The following TNFRSF21 variants were observed in gnomAD, a reference collection of about 807,000 sequenced individuals.
TNFRSF21 encodes the protein TNF receptor superfamily member 21, also known as tumor necrosis factor receptor superfamily member 21.
In TNFRSF21, 19 loss-of-function variants were observed where a neutral mutation model predicts 45.6. The observed-to-expected ratio is 0.42, with a 90% CI of 0.29 to 0.61. TNFRSF21 has a LOEUF of 0.61. Ranked by LOEUF, TNFRSF21 falls within the 20% of genes least tolerant of loss-of-function variation. The probability of loss-of-function intolerance (pLI) is 0.23; values close to 1 mark genes in which losing one functional copy is unlikely to be tolerated. For missense variants in TNFRSF21, 737 were observed against 851.5 expected (o/e 0.87, Z 1.67); for synonymous variants, 314 against 335.5 (o/e 0.94, Z 0.70).
intron 3 of TNFRSF21, among the ~76,000 whole-genome samples, chr6:47,264,551 T>C (rs1294904561): frequency 1.3e-5 from 2 of 152,070 alleles, no homozygotes; most frequent in Non-Finnish European, 2.9e-5. Flanking sequence ...AGCTTCACCC[T>C]AAAGGCTAGA....
rs181573716 is a variant in TNFRSF21 at position 47,254,099 on chromosome 6, T to C, written c.1244-578A>G. On this transcript the variant is annotated intron_variant, in intron 3 of 5. Transcript: ENST00000296861. ...TATGGCCGCTGGCATATCCAAATTA[T>C]CAGCATCACTCCTCTCGAGCTTTGG... Among the ~76,000 whole-genome samples the C allele has an allele frequency of 1.2e-4, 18 of 152,314 alleles. 1 individual carries two copies. The highest frequency in any genetic ancestry group is 1.1e-3 in the Admixed American group (17 of 15,294).
chr6:47,281,101 G>T (rs1329226463), intron 3 of TNFRSF21, among the ~76,000 whole-genome samples: 1 of 152,036 alleles, frequency 6.6e-6, no homozygotes, highest in African/African-American at 2.4e-5. Context: ...GCCTTATTGG[G>T]TCAACATACA....
At chr6:47,297,282 A>T (rs1222617246) in intron 1 of TNFRSF21, among the ~76,000 whole-genome samples, 3 of 152,180 alleles carry the variant, frequency 2.0e-5, no homozygotes, top group Non-Finnish European at 4.4e-5. Context: ...CATTAGTATA[A>T]AGGAGTTAAT....
rs369773813 is a variant in TNFRSF21, at chr6:47,234,731, G to A, written c.1677C>T (p.Arg559=). 6 of 1,612,080 alleles carry A rather than the reference G, an allele frequency of 3.7e-6. No individual in the cohort carries two copies. The highest frequency in any genetic ancestry group is 5.1e-6 in the Non-Finnish European group (6 of 1,179,252). ...FFVDESEPLL[R]CDSTSSGSSA... is the part of the protein sequence containing the mutation. ...AGGAGCCGCTGGATGTAGAGTCACA[G>A]CGGAGAAGGGGCTCCGACTCATCCA... The change falls in exon 5 of 6, where the codon CGC becomes CGT. Residue 559 remains arginine, a synonymous_variant. Coordinates refer to ENST00000296861, the MANE Select transcript of TNFRSF21 (RefSeq NM_014452.5).
At chr6:47,264,282 C>T (rs796703911) in intron 3 of TNFRSF21, among the ~76,000 whole-genome samples, 55 of 152,286 alleles carry the variant, frequency 3.6e-4, no homozygotes, top group African/African-American at 1.3e-3. Context: ...AATCCCAGCA[C>T]TTTGGGAGGC....
At chr6:47,260,554 T>G (rs1765059910) in intron 3 of TNFRSF21, among the ~76,000 whole-genome samples, 1 of 152,244 alleles carries the variant, frequency 6.6e-6, no homozygotes, top group African/African-American at 2.4e-5. Context: ...AAAAATGGGT[T>G]CCTTCTCTTT....
intron 4 of TNFRSF21, among the ~76,000 whole-genome samples, chr6:47,250,122 G>GA: frequency 6.6e-6 from 1 of 151,874 alleles, no homozygotes; most frequent in Non-Finnish European, 1.5e-5. Context: ...CTAGATTTAA[G>GA]AAAAAAATCT....
At chr6:47,292,353 G>A (rs1762740141) in intron 1 of TNFRSF21, among the ~76,000 whole-genome samples, 1 of 151,788 alleles carries the variant, frequency 6.6e-6, no homozygotes, top group South Asian at 2.1e-4. Context: ...CTCAAAGGCA[G>A]CATCAAAATT....
intron 3 of TNFRSF21, among the ~76,000 whole-genome samples, chr6:47,265,106 C>T (rs1406130362): frequency 2.0e-5 from 3 of 152,190 alleles, no homozygotes; most frequent in Non-Finnish European, 4.4e-5. Flanking sequence ...CCAAGTTAAA[C>T]AGAAGGGAGT....
chr6:47,286,484 A>C lies in TNFRSF21; in HGVS notation c.208T>G (p.Cys70Gly). The C allele has an allele frequency of 6.2e-7, 1 of 1,614,224 alleles. No homozygotes were observed. Among genetic ancestry groups the C allele is most frequent in the Non-Finnish European group, 8.5e-7 (1 of 1,180,036 alleles). ...ATGQVLTCDK[C>G]PAGTYVSEHC... ...TCAGAGACATAGGTTCCTGCTGGAC[A>C]CTTGTCACAGGTTAGCACCTGGCCG... The change falls in exon 2 of 6, where the codon TGT (cysteine) becomes GGT (glycine). Residue 70 changes from cysteine to glycine, a missense_variant. By Grantham distance (159) the Cys-to-Gly change is radical. Transcript: ENST00000296861.
intron 3 of TNFRSF21, among the ~76,000 whole-genome samples, chr6:47,275,246 GA>G (rs904186367): frequency 6.6e-6 from 1 of 151,968 alleles, no homozygotes; most frequent in African/African-American, 2.4e-5. Context: ...CAAAGACCTG[GA>G]AAAAACCCAA....
Position 47,280,178 on chromosome 6 carries a change from A to T in TNFRSF21, c.1243+3760T>A, listed in dbSNP as rs188269843. On this transcript the variant is annotated intron_variant, in intron 3 of 5. Coordinates refer to ENST00000296861, the MANE Select transcript of TNFRSF21 (RefSeq NM_014452.5). ...GAGCATGGCTTGTTCTACTGAGGGT[A>T]GGCAGGGATAAGTGAGGTTTTAGAA... Among the ~76,000 whole-genome samples, 54 of 152,344 alleles carry T rather than the reference A, an allele frequency of 3.5e-4. No homozygotes were observed. In the East Asian group the frequency reaches 9.7e-3, roughly 27 times the overall value.
At chr6:47,254,145 G>A (rs1428670811) in intron 3 of TNFRSF21, among the ~76,000 whole-genome samples, 1 of 152,096 alleles carries the variant, frequency 6.6e-6, no homozygotes, top group Non-Finnish European at 1.5e-5. Flanking sequence ...AGTAAAATAA[G>A]GGTGACTTGA....
intron 1 of TNFRSF21, among the ~76,000 whole-genome samples, chr6:47,292,738 G>T (rs1393949305): frequency 2.0e-5 from 3 of 152,162 alleles, no homozygotes; most frequent in Non-Finnish European, 4.4e-5. Flanking sequence ...TTAAGTCTCT[G>T]CTCAAATCCA....
At chr6:47,269,140 C>G (rs912297200) in intron 3 of TNFRSF21, among the ~76,000 whole-genome samples, 1 of 152,026 alleles carries the variant, frequency 6.6e-6, no homozygotes, top group Non-Finnish European at 1.5e-5. Context: ...GCTTCATCTT[C>G]TGTATAATGA....
At chr6:47,308,076 T>C (rs898780650) in intron 1 of TNFRSF21, among the ~76,000 whole-genome samples, 3 of 152,226 alleles carry the variant, frequency 2.0e-5, no homozygotes, top group Non-Finnish European at 2.9e-5. Flanking sequence ...GTTTCAAAGA[T>C]ATAAACCTTG....
chr6:47,272,687 A>C (rs951563314), intron 3 of TNFRSF21, among the ~76,000 whole-genome samples: 6 of 152,114 alleles, frequency 3.9e-5, no homozygotes, highest in African/African-American at 1.4e-4. Flanking sequence ...GAAAGAGATA[A>C]AGACACAAAG....
intron 3 of TNFRSF21, among the ~76,000 whole-genome samples, chr6:47,257,354 T>C (rs1765002998): frequency 6.6e-6 from 1 of 152,260 alleles, no homozygotes; most frequent in South Asian, 2.1e-4. Flanking sequence ...TTCTCTACTA[T>C]GAAAACATGG....
At chr6:47,302,460 C>T (rs959477713) in intron 1 of TNFRSF21, among the ~76,000 whole-genome samples, 15 of 152,210 alleles carry the variant, frequency 9.9e-5, no homozygotes, top group Admixed American at 7.8e-4. Flanking sequence ...TCAAAATGAC[C>T]CAAGTAGCAG....
Sources: gnomAD v4.1 joint callset for allele counts (sites outside exome capture counted in the v4.1 genomes callset) on GRCh38, gnomAD v4.1.1 for gene constraint, MANE v1.5 for transcripts, NCBI Gene and HGNC (gene_info 2026-07-23, HGNC 2026-07-21) for gene names.